RAB11FIP3: variants seen among roughly 807,000 people sequenced by gnomAD.
RAB11FIP3 encodes rab11 family-interacting protein 3.
Under a neutral mutation model 77.8 loss-of-function variants are expected in RAB11FIP3, and 17 were observed. The ratio of observed to expected loss-of-function variants is 0.22; its 90% confidence interval spans 0.15 to 0.33. The LOEUF is 0.33. RAB11FIP3 is among the 10% of genes least tolerant of loss of function. RAB11FIP3 has a pLI of 1.00. For synonymous variants in RAB11FIP3, 437 were observed against 448.2 expected (o/e 0.98, Z 0.31); for missense variants, 1,005 against 1,011.2 (o/e 0.99, Z 0.08).
chr16:475,016 C>G, intron 3 of RAB11FIP3: 1 of 1,551,718 alleles, frequency 6.4e-7, no homozygotes, highest in Non-Finnish European at 8.7e-7. Context: ...CGATGGGGAG[C>G]CGGTCTCCAA....
Position 488,837 on chromosome 16 carries a change from G to C in RAB11FIP3, c.1116-14G>C. ...CCTTCAGTCAGAAGACATCATTTCT[G>C]TTTTACTTTGCAGGCCTCACCCCCA... On this transcript the variant is annotated splice_polypyrimidine_tract_variant and intron_variant, in intron 4 of 13. Coordinates refer to ENST00000262305, the MANE Select transcript of RAB11FIP3 (RefSeq NM_014700.4). 6.2e-7 allele frequency: 1 copy of C among 1,611,810 alleles called. No homozygotes were observed. The highest frequency in any genetic ancestry group is 8.5e-7 in the Non-Finnish European group (1 of 1,178,628).
chr16:520,166 C>G lies in RAB11FIP3; in HGVS notation c.1905C>G (p.Leu635=), dbSNP rs746858297. 1.9e-6 allele frequency: 3 copies of G among 1,546,888 alleles called. No homozygotes were observed. Among genetic ancestry groups the G allele is most frequent in the African/African-American group, 2.7e-5 (2 of 73,202 alleles). The change falls in exon 12 of 14, where the codon CTC becomes CTG. Residue 635 remains leucine, a synonymous_variant. Transcript: ENST00000262305. ...AGCAGCTGGAGCACCTGCAGCTCCTCAAGCTGGAGGCCGAGCAGCGGCGGG... is the reference window on the plus strand; with the variant it reads ...AGCAGCTGGAGCACCTGCAGCTCCTGAAGCTGGAGGCCGAGCAGCGGCGGG... ...LRKQLEHLQL[L]KLEAEQRRGR...
chr16:431,460 ACCTC>A (rs2055034669), intron 1 of RAB11FIP3, among the ~76,000 whole-genome samples: 1 of 151,832 alleles, frequency 6.6e-6, no homozygotes, highest in South Asian at 2.1e-4. Flanking sequence ...GTTCACTGCA[ACCTC>A]CACCACGTGG....
rs2030714646 is a variant in RAB11FIP3, at chr16:492,886, G to T, written c.1265+3886G>T. 3.3e-5 allele frequency among the ~76,000 whole-genome samples: 5 copies of T among 152,192 alleles called. No homozygotes were observed. In the South Asian group the frequency reaches 1.0e-3, roughly 31 times the overall value. ...GTGGGGGCAGAGAAGGGACTAGGAT[G>T]TAGCTAAGTACAACTAGCAAGTCCT... On this transcript the variant is annotated intron_variant, in intron 5 of 13. Coordinates refer to ENST00000262305, the MANE Select transcript of RAB11FIP3 (RefSeq NM_014700.4).
At chr16:502,187 T>G (rs991399979) in intron 6 of RAB11FIP3, among the ~76,000 whole-genome samples, 5 of 152,256 alleles carry the variant, frequency 3.3e-5, no homozygotes, top group Admixed American at 3.3e-4. Context: ...CCGGCAAGTT[T>G]GGGTTGGTAC....
chr16:444,324 G>A (rs1158331155), intron 1 of RAB11FIP3, among the ~76,000 whole-genome samples: 1 of 152,330 alleles, frequency 6.6e-6, no homozygotes, highest in Admixed American at 6.5e-5. Flanking sequence ...AGGGCAGAGG[G>A]TAGTAGACTA....
intron 8 of RAB11FIP3, among the ~76,000 whole-genome samples, chr16:508,251 C>G (rs1596294970): frequency 6.6e-6 from 1 of 152,376 alleles, no homozygotes; most frequent in African/African-American, 2.4e-5. Context: ...TGAGGAACCT[C>G]TGGTGCCGCA....
chr16:509,591 G>A (rs1224340795), intron 8 of RAB11FIP3, among the ~76,000 whole-genome samples: 10 of 152,254 alleles, frequency 6.6e-5, no homozygotes, highest in Admixed American at 6.5e-4. Context: ...GGATGGTTGT[G>A]AAGATCTCAG....
At chr16:482,450 C>A in intron 3 of RAB11FIP3, 75 bp from the exon 4 acceptor site, 1 of 1,390,336 alleles carries the variant, frequency 7.2e-7, no homozygotes, top group Non-Finnish European at 1.0e-6. Flanking sequence ...CAGGGCCTTG[C>A]AGCAGTGAGG....
intron 3 of RAB11FIP3, among the ~76,000 whole-genome samples, chr16:474,328 A>G (rs1026312056): frequency 1.3e-5 from 2 of 152,208 alleles, no homozygotes. Context: ...GTGGTCGGGT[A>G]AAATGTGCAG....
chr16:428,057 C>T (rs534737447), intron 1 of RAB11FIP3, among the ~76,000 whole-genome samples: 3 of 151,480 alleles, frequency 2.0e-5, no homozygotes, highest in East Asian at 1.9e-4. Flanking sequence ...GCGGAGATCG[C>T]GCCACTGCAC....
intron 2 of RAB11FIP3, among the ~76,000 whole-genome samples, chr16:467,436 A>AGGGAGGAGGTGCAGGGG (rs2055721715): frequency 1.1e-5 from 1 of 90,826 alleles, no homozygotes; most frequent in Non-Finnish European, 2.4e-5. Flanking sequence ...AGGTGCTGGG[A>AGGGAGGAGGTGCAGGGG]CGTCAGGGAG....
chr16:459,096 TATC>T (rs1484796620), intron 1 of RAB11FIP3, among the ~76,000 whole-genome samples: 2 of 152,088 alleles, frequency 1.3e-5, no homozygotes, highest in African/African-American at 4.8e-5. Flanking sequence ...AGTTCCTTAA[TATC>T]ATCAAATATT....
chr16:495,699 C>T (rs534093675), intron 5 of RAB11FIP3, among the ~76,000 whole-genome samples: 2 of 152,312 alleles, frequency 1.3e-5, no homozygotes, highest in East Asian at 3.9e-4. Context: ...GGACTTAGAG[C>T]TGAGGGGCTC....
rs773583446 is a variant in RAB11FIP3 at position 488,987 on chromosome 16, T to C, written c.1252T>C (p.Phe418Leu). Residue 418 changes from phenylalanine to leucine, a missense_variant, in exon 5 of 14, where the codon TTC becomes CTC. Transcript: ENST00000262305. ...NGQLGCSDPAFLTPSPTKRLS... is the reference protein window; with the variant it reads ...NGQLGCSDPALLTPSPTKRLS... ...GCAGCTGGGCTGCAGTGACCCCGCT[T>C]TCCTCACGCCCAGGTAATGACGCCT... 9.9e-6 allele frequency: 16 copies of C among 1,613,826 alleles called. No individual in the cohort carries two copies. The South Asian group carries it at 1.8e-4, about 18-fold the overall frequency.
At chr16:476,640 G>A (rs770548982) in intron 3 of RAB11FIP3, among the ~76,000 whole-genome samples, 3 of 152,016 alleles carry the variant, frequency 2.0e-5, no homozygotes, top group Non-Finnish European at 2.9e-5. Context: ...GGTCAGGTGC[G>A]GTGGCTCATG....
chr16:467,347 G>A (rs911707865), intron 2 of RAB11FIP3, among the ~76,000 whole-genome samples: 1 of 152,236 alleles, frequency 6.6e-6, no homozygotes, highest in African/African-American at 2.4e-5. Flanking sequence ...GGTGTGAGGG[G>A]TGGGACACTG....
At chr16:511,545 C>T (rs1305145426) in intron 9 of RAB11FIP3, among the ~76,000 whole-genome samples, 8 of 69,994 alleles carry the variant, frequency 1.1e-4, no homozygotes, top group African/African-American at 2.1e-4. Context: ...AGTTCCCCGA[C>T]GGCCCGCCAA....
At chr16:512,334 G>C (rs1318041986) in intron 9 of RAB11FIP3, among the ~76,000 whole-genome samples, 1 of 151,772 alleles carries the variant, frequency 6.6e-6, no homozygotes, top group Non-Finnish European at 1.5e-5. Context: ...TCTGCCTCCC[G>C]GGTTCACGCC....
Sources: allele counts gnomAD v4.1 joint callset (sites outside exome capture counted in the v4.1 genomes callset), GRCh38; gene constraint gnomAD v4.1.1; transcripts MANE v1.5; gene names NCBI Gene and HGNC (gene_info 2026-07-23, HGNC 2026-07-21).